MGMT: variants seen among roughly 807,000 people sequenced by gnomAD.
The protein encoded by MGMT is O-6-methylguanine-DNA methyltransferase, also known as methylated-DNA--protein-cysteine methyltransferase.
Under a neutral mutation model 15.9 loss-of-function variants are expected in MGMT, and 14 were observed. The observed-to-expected ratio is 0.88, with a 90% CI of 0.58 to 1.37. The LOEUF (loss-of-function observed/expected upper bound fraction) is 1.37. Among genes scored for constraint, MGMT ranks in the 40% most tolerant of loss-of-function variants. The pLI, the probability that MGMT is intolerant of heterozygous loss-of-function variation, is 0.00. For synonymous variants in MGMT, 130 were observed against 118.2 expected (o/e 1.10, Z -0.65); for missense variants, 282 against 268.1 (o/e 1.05, Z -0.36).
rs1444531907 is a variant in MGMT, at chr10:129,659,177, T to G, written c.126-48718T>G. Reference sequence around the variant, plus strand: ...TTCGAGACCAGCCTGGCCAACACAGTGAAACCCCATCTCTACTAAAAATAC... The same window carrying G: ...TTCGAGACCAGCCTGGCCAACACAGGGAAACCCCATCTCTACTAAAAATAC... On this transcript the variant is annotated intron_variant, in intron 2 of 4. Coordinates refer to ENST00000651593, the MANE Select transcript of MGMT (RefSeq NM_002412.5). This position sits in a 1 kb window ranked among gnomAD's most constrained non-coding sequence, Gnocchi z 4.1. 6.6e-6 allele frequency among the ~76,000 whole-genome samples: 1 copy of G among 151,946 alleles called. No homozygotes were observed. The highest frequency in any genetic ancestry group is 1.5e-5 in the Non-Finnish European group (1 of 68,000).
intron 1 of MGMT, among the ~76,000 whole-genome samples, chr10:129,473,771 G>A (rs1008361958): frequency 1.3e-5 from 2 of 152,350 alleles, no homozygotes; most frequent in South Asian, 2.1e-4. Flanking sequence ...GCTTGAAGGC[G>A]TTGAGCCGTA....
At chr10:129,507,700 A>G (rs1845639967) in intron 1 of MGMT, among the ~76,000 whole-genome samples, 1 of 152,180 alleles carries the variant, frequency 6.6e-6, no homozygotes, top group African/African-American at 2.4e-5. Context: ...AAAATGACAA[A>G]TGGATTCTGT....
intron 3 of MGMT, among the ~76,000 whole-genome samples, chr10:129,744,065 T>TGTTA: frequency 6.6e-6 from 1 of 152,340 alleles, no homozygotes; most frequent in Middle Eastern, 3.4e-3. Flanking sequence ...AGCCTGTGCT[T>TGTTA]GTTCAGCCTC....
chr10:129,733,969 A>G (rs1303842492), intron 3 of MGMT, among the ~76,000 whole-genome samples: 2 of 150,934 alleles, frequency 1.3e-5, no homozygotes, highest in African/African-American at 2.4e-5. Context: ...GTAGCCTTGT[A>G]GTATAGTTTG....
chr10:129,655,353 G>A (rs1037192582), intron 2 of MGMT, among the ~76,000 whole-genome samples: 3 of 152,190 alleles, frequency 2.0e-5, no homozygotes, highest in African/African-American at 4.8e-5. Flanking sequence ...ATGTTTATCT[G>A]TCTTTAGACT....
chr10:129,496,602 T>C (rs1845524381), intron 1 of MGMT, among the ~76,000 whole-genome samples: 1 of 152,122 alleles, frequency 6.6e-6, no homozygotes, highest in South Asian at 2.1e-4. Flanking sequence ...TGGTGCACTC[T>C]GGGCCGGGGT....
chr10:129,500,777 C>T (rs1017879979), intron 1 of MGMT, among the ~76,000 whole-genome samples: 1 of 152,146 alleles, frequency 6.6e-6, no homozygotes, highest in Non-Finnish European at 1.5e-5. Flanking sequence ...TCTTAAACTT[C>T]TGAGCTCAAA....
At chr10:129,581,439 C>T (rs750758242) in intron 2 of MGMT, among the ~76,000 whole-genome samples, 2 of 152,150 alleles carry the variant, frequency 1.3e-5, no homozygotes, top group Non-Finnish European at 2.9e-5. Context: ...GGCATGGTCT[C>T]GCAGCCAAGT....
chr10:129,546,278 G>T (rs2119779203), intron 2 of MGMT, among the ~76,000 whole-genome samples: 1 of 152,366 alleles, frequency 6.6e-6, no homozygotes, highest in South Asian at 2.1e-4. Context: ...CACACCTTGA[G>T]ATTGGTGAAT....
chr10:129,542,358 G>A (rs955626837), intron 2 of MGMT, among the ~76,000 whole-genome samples: 4 of 152,112 alleles, frequency 2.6e-5, no homozygotes, highest in Non-Finnish European at 4.4e-5. Context: ...CAAGGTCCAC[G>A]GGCCATGAGA....
chr10:129,704,274 C>G (rs2133138428), intron 2 of MGMT, among the ~76,000 whole-genome samples: 1 of 152,232 alleles, frequency 6.6e-6, no homozygotes, highest in Non-Finnish European at 1.5e-5. Flanking sequence ...CTCCCATGCC[C>G]TAAGGAAACT....
intron 2 of MGMT, chr10:129,702,077 G>A (rs985720919): frequency 9.2e-5 from 14 of 152,158 alleles, no homozygotes; most frequent in Non-Finnish European, 1.5e-4. Flanking sequence ...TTTCCAAGCC[G>A]GGGAAGGCGA....
intron 2 of MGMT, among the ~76,000 whole-genome samples, chr10:129,578,892 A>G (rs2133045013): frequency 6.6e-6 from 1 of 152,302 alleles, no homozygotes; most frequent in East Asian, 1.9e-4. Context: ...TGGAGTGTGT[A>G]TCTCCTAATG....
intron 2 of MGMT, among the ~76,000 whole-genome samples, chr10:129,666,651 TTC>T (rs1413455579): frequency 1.3e-5 from 2 of 152,230 alleles, no homozygotes; most frequent in Non-Finnish European, 2.9e-5. Context: ...CATCAATTTA[TTC>T]TCTTTAACTT....
chr10:129,543,066 T>A (rs1343999684), intron 2 of MGMT, among the ~76,000 whole-genome samples: 1 of 152,132 alleles, frequency 6.6e-6, no homozygotes, highest in East Asian at 1.9e-4. Flanking sequence ...GTGTTTCTTT[T>A]CAGCTCCACA....
At chr10:129,526,094 C>G (rs61862644) in intron 1 of MGMT, among the ~76,000 whole-genome samples, 13,474 of 152,248 alleles carry the variant, frequency 0.089, 749 homozygotes, top group East Asian at 0.3. Context: ...CGGGGAGACC[C>G]CTGGTTACAG....
At chr10:129,467,663 C>G (rs1589823840) in intron 1 of MGMT, among the ~76,000 whole-genome samples, 1 of 152,234 alleles carries the variant, frequency 6.6e-6, no homozygotes, top group South Asian at 2.1e-4. Context: ...CTTCCAGAAG[C>G]CCCTGCGCGG....
At chr10:129,507,614 G>GA (rs1845639155) in intron 1 of MGMT, among the ~76,000 whole-genome samples, 3 of 152,218 alleles carry the variant, frequency 2.0e-5, no homozygotes, top group African/African-American at 7.2e-5. Context: ...AACGTCCTGA[G>GA]AGTGGGCCGG....
At chr10:129,504,502 A>G (rs1418150818) in intron 1 of MGMT, among the ~76,000 whole-genome samples, 1 of 152,234 alleles carries the variant, frequency 6.6e-6, no homozygotes, top group Non-Finnish European at 1.5e-5. Flanking sequence ...GTTGAAAGTG[A>G]CACAGGTTGC....
Sources: gnomAD v4.1 joint callset for allele counts (sites outside exome capture counted in the v4.1 genomes callset) on GRCh38, gnomAD v4.1.1 for gene constraint, Gnocchi (gnomAD v3.1) non-coding constraint, MANE v1.5 for transcripts, NCBI Gene and HGNC (gene_info 2026-07-23, HGNC 2026-07-21) for gene names.